The following CD36 variants were observed in gnomAD, a reference collection of about 807,000 sequenced individuals.
The protein encoded by CD36 is platelet glycoprotein 4.
In CD36, 119 loss-of-function variants were observed where a neutral mutation model predicts 55.2. The ratio of observed to expected loss-of-function variants is 2.15; its 90% CI spans 1.86 to 2.51. The LOEUF (loss-of-function observed/expected upper bound fraction) is 2.51. Among genes scored for constraint, CD36 ranks in the 30% most tolerant of loss-of-function variants. CD36 has a pLI of 0.00. For synonymous variants in CD36, 186 were observed against 193.6 expected (o/e 0.96, Z 0.33); for missense variants, 819 against 555.5 (o/e 1.47, Z -4.77).
intron 2 of CD36, 73 bp downstream of exon 2, chr7:80,646,254 C>T: frequency 5.7e-6 from 1 of 176,472 alleles, no homozygotes; most frequent in East Asian, 1.4e-4. Context: ...AACCCACATT[C>T]TGTTCGCAGG....
chr7:80,667,997 T>C (rs1198939807), intron 8 of CD36, among the ~76,000 whole-genome samples: 1 of 152,014 alleles, frequency 6.6e-6, no homozygotes, highest in Non-Finnish European at 1.5e-5. Flanking sequence ...TCCGCCCCCC[T>C]CGGCCTCCCA....
chr7:80,631,076 G>A (rs1794049699), intron 1 of CD36, among the ~76,000 whole-genome samples: 1 of 152,034 alleles, frequency 6.6e-6, no homozygotes, highest in Non-Finnish European at 1.5e-5. Context: ...GAGGATCTAA[G>A]TGCAAATTGA....
rs1410305783 is a variant in CD36, at chr7:80,677,419, G to GTT, written c.*1038_*1039dup. 2 of 152,106 alleles carry GTT rather than the reference G, an allele frequency of 1.3e-5. No homozygotes were observed. The highest frequency in any genetic ancestry group is 2.9e-5 in the Non-Finnish European group (2 of 68,012). 9.4% of individuals were successfully genotyped at this position (152,106 alleles called of 1,614,324 possible). A position where few individuals can be genotyped will look rare whatever the true frequency, so the allele number is the denominator to read the frequency against. ...AGGACAAAGGAATAGTAACTGGCCT[G>GTT]TTTGGATACTAAAATCGAAAATAAC... is the stretch of plus-strand genomic sequence containing the variant. On this transcript the variant is annotated 3_prime_UTR_variant, in exon 15 of 15. Transcript: ENST00000447544.
At chr7:80,662,211 A>G (rs1025929934) in intron 5 of CD36, 2 of 152,436 alleles carry the variant, frequency 1.3e-5, no homozygotes, top group African/African-American at 4.8e-5. Flanking sequence ...TCTAAATTCA[A>G]TAGCTTACCA....
At position 80,664,432 on chromosome 7, in the gene CD36, T is replaced by TAA. The variant is rs780525946; in HGVS notation, c.638_639dup (p.Val214LysfsTer9). 1.3e-6 allele frequency: 2 copies of TAA among 1,573,760 alleles called. No individual in the cohort carries two copies. Among genetic ancestry groups the TAA allele is most frequent in the Non-Finnish European group, 1.7e-6 (2 of 1,143,614 alleles). ...ACAACAATACTGCAGATGGAGTTTA[T>TAA]AAAGTTTTCAATGGAAAAGATAACA... On this transcript the variant is annotated frameshift_variant, in exon 7 of 15. Coordinates refer to ENST00000447544, the MANE Select transcript of CD36 (RefSeq NM_001001548.3). LOFTEE classifies it high-confidence loss of function.
chr7:80,621,424 T>A (rs1218962192), intron 1 of CD36, among the ~76,000 whole-genome samples: 2 of 152,340 alleles, frequency 1.3e-5, no homozygotes, highest in East Asian at 3.9e-4. Flanking sequence ...TGACTAGCAA[T>A]AATTTATAGA....
intron 3 of CD36, among the ~76,000 whole-genome samples, chr7:80,648,937 A>G (rs1264753483): frequency 2.0e-5 from 3 of 152,142 alleles, no homozygotes; most frequent in Non-Finnish European, 4.4e-5. Context: ...ATAATACTGG[A>G]TTAACAGCAG....
At chr7:80,672,260 G>A (rs971074597) in intron 11 of CD36, among the ~76,000 whole-genome samples, 6 of 151,670 alleles carry the variant, frequency 4.0e-5, no homozygotes, top group African/African-American at 1.2e-4. Flanking sequence ...TTTAGATGAG[G>A]AGTTATTGTA....
chr7:80,659,054 G>A (rs1489653984), intron 4 of CD36, among the ~76,000 whole-genome samples: 1 of 152,050 alleles, frequency 6.6e-6, no homozygotes, highest in African/African-American at 2.4e-5. Context: ...ATTTTAAAGG[G>A]ATTCCTGATT....
At chr7:80,602,686 C>T (rs1339086842) in intron 1 of CD36, among the ~76,000 whole-genome samples, 3 of 152,084 alleles carry the variant, frequency 2.0e-5, no homozygotes, top group South Asian at 2.1e-4. Flanking sequence ...CCAAACTTCT[C>T]GTGACTTCAA....
At chr7:80,631,085 G>C (rs1794049940) in intron 1 of CD36, among the ~76,000 whole-genome samples, 1 of 151,986 alleles carries the variant, frequency 6.6e-6, no homozygotes, top group African/African-American at 2.4e-5. Context: ...AGTGCAAATT[G>C]AGCAGTGCAA....
intron 6 of CD36, 129 bp downstream of exon 6, chr7:80,663,298 T>A: frequency 2.6e-6 from 2 of 779,098 alleles, no homozygotes; most frequent in South Asian, 3.1e-5. Flanking sequence ...TATCCTAACT[T>A]TTTAAAAAGT....
upstream of CD36, among the ~76,000 whole-genome samples, chr7:80,634,221 C>G (rs979386092): frequency 1.3e-4 from 20 of 152,008 alleles, 3 homozygotes; most frequent in Admixed American, 1.2e-3. Context: ...AAATACTTAG[C>G]TCCACACCTG....
chr7:80,657,311 T>C (rs1385932591), intron 4 of CD36, among the ~76,000 whole-genome samples: 2 of 152,190 alleles, frequency 1.3e-5, no homozygotes, highest in Non-Finnish European at 2.9e-5. Flanking sequence ...TAAATTCATT[T>C]TTCCTAACTG....
At chr7:80,629,781 C>T (rs1208466591) in intron 1 of CD36, among the ~76,000 whole-genome samples, 1 of 151,920 alleles carries the variant, frequency 6.6e-6, no homozygotes, top group Non-Finnish European at 1.5e-5. Flanking sequence ...AGAAGCAAAT[C>T]CCTCAACATA....
chr7:80,661,431 C>G (rs549663700), intron 5 of CD36, among the ~76,000 whole-genome samples: 1 of 151,788 alleles, frequency 6.6e-6, no homozygotes, highest in Non-Finnish European at 1.5e-5. Flanking sequence ...TATTTTTTGT[C>G]GAAACATTCT....
rs557593074 is a variant in CD36 at position 80,609,369 on chromosome 7, C to T, written c.-184+6990C>T. ...ACTATACCCTCTCCCACTCTGTACC[C>T]GGAGCTGTACAATGCAGTCCTGGCA... is the stretch of plus-strand genomic sequence containing the variant. On this transcript the variant is annotated intron_variant, in intron 1 of 13. Coordinates refer to the CD36 transcript ENST00000309881. 3.9e-4 allele frequency among the ~76,000 whole-genome samples: 60 copies of T among 152,226 alleles called. No individual in the cohort carries two copies. The Middle Eastern group carries it at 0.014, about 35-fold the overall frequency.
At chr7:80,663,585 A>G (rs943101929) in intron 6 of CD36, among the ~76,000 whole-genome samples, 1 of 151,964 alleles carries the variant, frequency 6.6e-6, no homozygotes, top group Non-Finnish European at 1.5e-5. Context: ...TTTAATTTAT[A>G]TTTAAAAGTT....
At chr7:80,666,828 G>C (rs1797137118) in intron 8 of CD36, among the ~76,000 whole-genome samples, 1 of 152,134 alleles carries the variant, frequency 6.6e-6, no homozygotes, top group South Asian at 2.1e-4. Flanking sequence ...TTTATAAATA[G>C]TATACAGATA....
Sources: gnomAD v4.1 joint callset for allele counts (sites outside exome capture counted in the v4.1 genomes callset) on GRCh38, gnomAD v4.1.1 for gene constraint, MANE v1.5 for transcripts, NCBI Gene and HGNC (gene_info 2026-07-23, HGNC 2026-07-21) for gene names.